NPIPB15: variants seen among roughly 807,000 people sequenced by gnomAD.
NPIPB15 encodes nuclear pore complex-interacting protein family member B15.
Under a neutral mutation model 35.9 loss-of-function variants are expected in NPIPB15, and 5 were observed. The observed-to-expected ratio is 0.14, with a 90% CI of 0.07 to 0.29. The LOEUF is 0.29. NPIPB15 is among the 10% of genes least tolerant of loss of function. The pLI, the probability that NPIPB15 is intolerant of heterozygous loss-of-function variation, is 1.00. For missense variants in NPIPB15, 100 were observed against 506.1 expected, an observed-to-expected ratio of 0.20 and a Z score of 7.70; for synonymous variants, 43 against 182.0, an observed-to-expected ratio of 0.24 and a Z score of 6.15.
Position 74,391,473 on chromosome 16 carries a change from G to A in NPIPB15, c.725G>A (p.Arg242Lys). Reference protein sequence around the residue: ...PYLTAEALKNRMGRQPPPPTQ... With the variant: ...PYLTAEALKNKMGRQPPPPTQ... Reference sequence around the variant, plus strand: ...CTCACAGCTGAAGCTTTAAAAAACAGGATGGGCCGCCAGCCACCTCCTCCA... The same window carrying A: ...CTCACAGCTGAAGCTTTAAAAAACAAGATGGGCCGCCAGCCACCTCCTCCA... The change falls in exon 8 of 8, where the codon AGG becomes AAG. Residue 242 changes from arginine (R) to lysine (K), a missense_variant. Coordinates refer to ENST00000692376, the MANE Select transcript of NPIPB15 (RefSeq NM_001306094.2). 3.1e-6 allele frequency: 5 copies of A among 1,613,348 alleles called. No homozygotes were observed. Among genetic ancestry groups the A allele is most frequent in the South Asian group, 2.2e-5 (2 of 91,072 alleles).
Position 74,376,698 on chromosome 16 carries a change from T to G in NPIPB15, c.-671T>G, listed in dbSNP as rs555210465. ...TCACTCGGTTTCAGATGTTAAAATG[T>G]CTAGGTGGGTTAGGGGTGATTTGAG... On this transcript the variant is annotated 5_prime_UTR_variant, in exon 1 of 8. Coordinates refer to ENST00000692376, the MANE Select transcript of NPIPB15 (RefSeq NM_001306094.2). Among the ~76,000 whole-genome samples the G allele has an allele frequency of 6.6e-6, 1 of 152,100 alleles. No homozygotes were observed. The highest frequency in any genetic ancestry group is 6.6e-5 in the Admixed American group (1 of 15,202).
chr16:74,379,296 T>C (rs2011854049), intron 2 of NPIPB15, among the ~76,000 whole-genome samples: 1 of 152,186 alleles, frequency 6.6e-6, no homozygotes, highest in Non-Finnish European at 1.5e-5. Context: ...TGTATGGTTC[T>C]CTAACTCCAT....
chr16:74,382,876 C>G (rs2012066588), intron 3 of NPIPB15, among the ~76,000 whole-genome samples: 1 of 148,952 alleles, frequency 6.7e-6, no homozygotes. Context: ...TAGTCCTGAA[C>G]AGAGAATTTT....
chr16:74,380,846 ACAAAAAC>A (rs2011948485), intron 2 of NPIPB15, among the ~76,000 whole-genome samples: 1 of 150,942 alleles, frequency 6.6e-6, no homozygotes, highest in South Asian at 2.1e-4. Flanking sequence ...CCAAACAAAA[ACAAAAAC>A]AAAAAAAAAT....
At chr16:74,378,395 A>G (rs1450618186) in intron 2 of NPIPB15, among the ~76,000 whole-genome samples, 2 of 129,250 alleles carry the variant, frequency 1.5e-5, no homozygotes, top group Admixed American at 1.6e-4. Flanking sequence ...GTGAAATGTC[A>G]TTTGATTTGT....
At chr16:74,379,630 C>T (rs1448057586) in intron 2 of NPIPB15, among the ~76,000 whole-genome samples, 5 of 151,008 alleles carry the variant, frequency 3.3e-5, no homozygotes, top group African/African-American at 9.8e-5. Flanking sequence ...CGCTCTGTCA[C>T]CCAGGCTGAA....
intron 2 of NPIPB15, among the ~76,000 whole-genome samples, chr16:74,380,862 A>G (rs2011949932): frequency 6.6e-6 from 1 of 151,942 alleles, no homozygotes; most frequent in African/African-American, 2.4e-5. Flanking sequence ...ACAAAAAAAA[A>G]TGGCTGGGCA....
At chr16:74,381,931 GTTTT>G (rs2012017904) in intron 3 of NPIPB15, among the ~76,000 whole-genome samples, 1 of 132,298 alleles carries the variant, frequency 7.6e-6, no homozygotes, top group Admixed American at 8.4e-5. Flanking sequence ...TCAAAAATAA[GTTTT>G]TTTAGCCTTT....
At position 74,378,771 on chromosome 16, in the gene NPIPB15, C is replaced by T. The variant is rs1193935323; in HGVS notation, c.66+732C>T. On this transcript the variant is annotated intron_variant, in intron 2 of 7. Transcript: ENST00000692376. ...GGAAAGTACATACACCAGCATAAAC[C>T]GACCCCCTTTCAAGATCTACATTAT... Among the ~76,000 whole-genome samples, 5 of 151,020 alleles carry T rather than the reference C, an allele frequency of 3.3e-5. No homozygotes were observed. The South Asian group carries it at 6.3e-4, about 19-fold the overall frequency.
chr16:74,378,762 A>G (rs1230805864), intron 2 of NPIPB15, among the ~76,000 whole-genome samples: 1 of 150,988 alleles, frequency 6.6e-6, no homozygotes. Context: ...TACATACACC[A>G]GCATAAACCG....
In NPIPB15 at chr16:74,376,393, TG is replaced by T. The variant is rs1388644682; in HGVS notation, c.-974del. On this transcript the variant is annotated 5_prime_UTR_variant, in exon 1 of 8. The change abolishes the stop of an existing upstream ORF in the 5' untranslated region. Transcript: ENST00000692376. ...CTGAGGACAGGGCCAGGAAAGGTGA[TG>T]GACAGTGGGGGTCTGTCCTGGTCAC... is the stretch of plus-strand genomic sequence containing the variant. 6.6e-6 allele frequency among the ~76,000 whole-genome samples: 1 copy of T among 151,400 alleles called. No individual in the cohort carries two copies. Among genetic ancestry groups the T allele is most frequent in the African/African-American group, 2.4e-5 (1 of 41,158 alleles).
rs1488409582 is a variant in NPIPB15, at chr16:74,381,524, T to A, written c.75T>A (p.Asn25Lys). The stretch of plus-strand genomic sequence containing the variant: ...AACTATTATTATTCCAGGTCATCAA[T>A]AGTCTGGCTGTCTATCGTCATCGTG... ...FISHQPTPVI[N>K]SLAVYRHRET... The change falls in exon 3 of 8, where the codon AAT becomes AAA. Residue 25 changes from asparagine to lysine, a missense_variant. By Grantham distance (94) the Asn-to-Lys change is moderately conservative. Coordinates refer to ENST00000692376, the MANE Select transcript of NPIPB15 (RefSeq NM_001306094.2). 5 of 1,592,170 alleles carry A rather than the reference T, an allele frequency of 3.1e-6. No homozygotes were observed. In the East Asian group the frequency reaches 9.0e-5, roughly 29 times the overall value.
At chr16:74,378,421 G>GC (rs1567410879) in intron 2 of NPIPB15, among the ~76,000 whole-genome samples, 2 of 115,918 alleles carry the variant, frequency 1.7e-5, no homozygotes, top group South Asian at 3.0e-4. Context: ...CTGGTTTGAT[G>GC]CCTTTTTTTT....
At chr16:74,377,586 C>T (rs537974807) in intron 1 of NPIPB15, among the ~76,000 whole-genome samples, 1 of 152,078 alleles carries the variant, frequency 6.6e-6, no homozygotes, top group African/African-American at 2.4e-5. Context: ...TGCTCCTAAG[C>T]CTCACGCTCC....
intron 1 of NPIPB15, among the ~76,000 whole-genome samples, 86 bp downstream of exon 1, chr16:74,377,432 G>A (rs1256064972): frequency 5.3e-5 from 8 of 151,840 alleles, no homozygotes; most frequent in South Asian, 2.1e-4. Flanking sequence ...TGATGCGGGC[G>A]CTACTTGGCA....
intron 2 of NPIPB15, among the ~76,000 whole-genome samples, chr16:74,379,399 G>C (rs1298585865): frequency 0.013 from 2,023 of 150,996 alleles, 37 homozygotes; most frequent in African/African-American, 0.048. Flanking sequence ...ATTTAAAATT[G>C]AGATGTTTTC....
chr16:74,379,353 G>A lies in NPIPB15; in HGVS notation c.66+1314G>A, dbSNP rs2011856744. Among the ~76,000 whole-genome samples, 5 of 152,256 alleles carry A rather than the reference G, an allele frequency of 3.3e-5. No individual in the cohort carries two copies. The South Asian group carries it at 1.0e-3, about 32-fold the overall frequency. ...ATATGCTGAGTTCCACCTGTTGAAGGGCTATCTCTGTTTAATTCACCATCT... is the reference window on the plus strand; with the variant it reads ...ATATGCTGAGTTCCACCTGTTGAAGAGCTATCTCTGTTTAATTCACCATCT... On this transcript the variant is annotated intron_variant, in intron 2 of 7. Coordinates refer to ENST00000692376, the MANE Select transcript of NPIPB15 (RefSeq NM_001306094.2).
intron 1 of NPIPB15, among the ~76,000 whole-genome samples, chr16:74,377,600 G>T (rs1406932838): frequency 6.6e-6 from 1 of 152,118 alleles, no homozygotes; most frequent in South Asian, 2.1e-4. Context: ...ACGCTCCCTT[G>T]CCCCACGTGT....
chr16:74,384,695 T>TTTTTTTTG, intron 3 of NPIPB15, among the ~76,000 whole-genome samples: 1 of 58,004 alleles, frequency 1.7e-5, no homozygotes, highest in African/African-American at 7.6e-5. Context: ...TTTTTTTTTT[T>TTTTTTTTG]TTGAGACAGA....
Sources: allele counts gnomAD v4.1 joint callset (sites outside exome capture counted in the v4.1 genomes callset), GRCh38; gene constraint gnomAD v4.1.1; transcripts MANE v1.5; gene names NCBI Gene and HGNC (gene_info 2026-07-23, HGNC 2026-07-21).